MYBPC1: variants seen among roughly 807,000 people sequenced by gnomAD.
The protein encoded by MYBPC1 is myosin binding protein C1.
MYBPC1 carries 52 observed loss-of-function variants against 147.1 expected under a neutral mutation model. That is an observed-to-expected ratio of 0.35 (90% CI 0.28 to 0.45). The LOEUF (loss-of-function observed/expected upper bound fraction) is 0.45. MYBPC1 is among the 20% of genes least tolerant of loss of function. MYBPC1 has a pLI of 1.00. For synonymous variants in MYBPC1, 477 were observed against 475.9 expected (o/e 1.00, Z -0.03); for missense variants, 1,228 against 1,440.3 (o/e 0.85, Z 2.39).
intron 24 of MYBPC1, among the ~76,000 whole-genome samples, chr12:101,672,370 G>A (rs567370767): frequency 6.6e-6 from 1 of 152,250 alleles, no homozygotes; most frequent in Admixed American, 6.5e-5. Context: ...GGTACGCCTG[G>A]ATGCTTGGGG....
intron 24 of MYBPC1, among the ~76,000 whole-genome samples, chr12:101,671,310 T>TACACACACACAC (rs5800480): frequency 9.5e-6 from 1 of 105,330 alleles, no homozygotes; most frequent in African/African-American, 2.7e-5. Context: ...GACACTCATA[T>TACACACACACAC]ACACACACAC....
chr12:101,659,926 C>T, intron 19 of MYBPC1, 95 bp downstream of exon 19: 2 of 1,462,180 alleles, frequency 1.4e-6, no homozygotes, highest in Non-Finnish European at 1.9e-6. Flanking sequence ...CCATTTCCTT[C>T]CTTTGTCTTT....
Position 101,649,424 on chromosome 12 carries a change from A to G in MYBPC1, c.1361A>G (p.Asp454Gly). The G allele has an allele frequency of 1.2e-6, 2 of 1,613,808 alleles. No homozygotes were observed. The highest frequency in any genetic ancestry group is 1.7e-6 in the Non-Finnish European group (2 of 1,179,772). ...CAATCATCTGCTAAACTTAGTGTTGACTGTAAGTGAGACTTCTTTAGATGT... is the reference window on the plus strand; with the variant it reads ...CAATCATCTGCTAAACTTAGTGTTGGCTGTAAGTGAGACTTCTTTAGATGT... ...GGQSSAKLSVDLKPLKILTPL... is the reference protein window; with the variant it reads ...GGQSSAKLSVGLKPLKILTPL... The change falls in exon 15 of 32, where the codon GAC (aspartate) becomes GGC (glycine). Residue 454 changes from aspartate (D) to glycine (G), a missense_variant and splice_region_variant. By Grantham distance (94) the Asp-to-Gly change is moderately conservative (BLOSUM62 -1). Transcript: ENST00000361466.
At chr12:101,661,097 A>G in intron 19 of MYBPC1, 61 bp from the exon 20 acceptor site, 4 of 1,053,124 alleles carry the variant, frequency 3.8e-6, no homozygotes, top group Non-Finnish European at 5.8e-6. Flanking sequence ...TTTTCCTATT[A>G]ACTTTTTTTT....
intron 1 of MYBPC1, among the ~76,000 whole-genome samples, chr12:101,601,288 T>C (rs1188951670): frequency 6.6e-6 from 1 of 152,246 alleles, no homozygotes. Context: ...TCATACTGTC[T>C]TGTCGTAATT....
intron 22 of MYBPC1, chr12:101,664,654 C>G (rs1246676835): frequency 6.6e-6 from 1 of 152,054 alleles, no homozygotes; most frequent in Non-Finnish European, 1.5e-5. Flanking sequence ...TGGAAATGCT[C>G]ACCTCTGTTC....
chr12:101,624,458 C>A (rs1888094141), intron 3 of MYBPC1, among the ~76,000 whole-genome samples: 2 of 151,958 alleles, frequency 1.3e-5, no homozygotes, highest in South Asian at 4.1e-4. Flanking sequence ...TATACATTTA[C>A]ATTTTGAAAT....
At position 101,649,350 on chromosome 12, in the gene MYBPC1, A is replaced by G. The variant is rs768659618; in HGVS notation, c.1287A>G (p.Gly429=). The G allele has an allele frequency of 5.6e-6, 9 of 1,613,894 alleles. No individual in the cohort carries two copies. In the Admixed American group the frequency reaches 1.2e-4, roughly 21 times the overall value. ...AAAAACACATCTTGATCATAGAGGG[A>G]GCAACAAAGGCTGATGCTGCAGAAT... The part of the protein sequence containing the change: ...EGKKHILIIE[G]ATKADAAEYS... The change falls in exon 15 of 32, where the codon GGA becomes GGG. Residue 429 remains glycine, a synonymous_variant. Coordinates refer to ENST00000361466, the MANE Select transcript of MYBPC1 (RefSeq NM_002465.4).
intron 15 of MYBPC1, chr12:101,650,863 T>TAAA: frequency 6.0e-6 from 2 of 331,214 alleles, no homozygotes; most frequent in Admixed American, 4.2e-5. Context: ...TGTGAAGCAG[T>TAAA]AGAAAGAGGA....
intron 6 of MYBPC1, among the ~76,000 whole-genome samples, chr12:101,630,053 C>T (rs577555584): frequency 7.2e-4 from 110 of 152,220 alleles, no homozygotes; most frequent in African/African-American, 2.6e-3. Context: ...ACTCATTGAC[C>T]TCTCCTCCTA....
chr12:101,667,596 G>C, intron 22 of MYBPC1, 136 bp from the exon 23 acceptor site: 2 of 1,056,198 alleles, frequency 1.9e-6, no homozygotes, highest in Non-Finnish European at 2.8e-6. Flanking sequence ...TCGGAGTCCA[G>C]ACCAAAGTCA....
chr12:101,627,653 C>T (rs1259576473), intron 4 of MYBPC1, 116 bp from the exon 5 acceptor site: 3 of 1,164,900 alleles, frequency 2.6e-6, no homozygotes, highest in Non-Finnish European at 2.6e-6. Context: ...AGGGTTTTTT[C>T]CTTCCTATCA....
chr12:101,665,237 C>T (rs1429097923), intron 22 of MYBPC1, among the ~76,000 whole-genome samples: 3 of 152,224 alleles, frequency 2.0e-5, no homozygotes, highest in African/African-American at 7.2e-5. Flanking sequence ...ATATATTTTG[C>T]CGAGTAACGT....
intron 24 of MYBPC1, among the ~76,000 whole-genome samples, chr12:101,671,453 A>C (rs1898712584): frequency 1.3e-5 from 2 of 151,992 alleles, no homozygotes. Context: ...TCCTCATTGC[A>C]CTCCGGGTGC....
rs377408494 is a variant in MYBPC1, at chr12:101,670,376, T to C, written c.2580T>C (p.Val860=). The C allele has an allele frequency of 6.2e-7, 1 of 1,614,098 alleles. No homozygotes were observed. The highest frequency in any genetic ancestry group is 1.3e-5 in the African/African-American group (1 of 75,064). ...RHLKQTYIRR[V]GEAVNLVIPF... is the part of the protein sequence containing the mutation. ...TGAAGCAAACCTATATCCGCAGAGT[T>C]GGAGAAGCTGTCAATCTGGTTATAC... The change falls in exon 24 of 32, where the codon GTT becomes GTC. Residue 860 remains valine (V), a synonymous_variant. Transcript: ENST00000361466.
At chr12:101,657,548 A>C (rs1367777575) in intron 18 of MYBPC1, among the ~76,000 whole-genome samples, 1 of 152,220 alleles carries the variant, frequency 6.6e-6, no homozygotes. Context: ...AGGATAGTTA[A>C]GGAATATTAT....
intron 2 of MYBPC1, 82 bp downstream of exon 2, chr12:101,614,613 C>A: frequency 1.5e-6 from 2 of 1,377,956 alleles, no homozygotes; most frequent in Non-Finnish European, 2.0e-6. Context: ...TCCACGGGTG[C>A]TGTGAGCTGT....
intron 8 of MYBPC1, among the ~76,000 whole-genome samples, chr12:101,634,045 C>T (rs1027203124): frequency 1.3e-5 from 2 of 152,016 alleles, no homozygotes; most frequent in Non-Finnish European, 2.9e-5. Flanking sequence ...TACAGGCGCC[C>T]GCCACCACGG....
At chr12:101,661,920 G>GAAAGAAAGAAAAGA (rs1896649384) in intron 20 of MYBPC1, among the ~76,000 whole-genome samples, 1 of 128,508 alleles carries the variant, frequency 7.8e-6, no homozygotes, top group Non-Finnish European at 1.7e-5. Flanking sequence ...AAAAAAGAAA[G>GAAAGAAAGAAAAGA]AAAAAATATT....
Sources: gnomAD v4.1 joint callset for allele counts (sites outside exome capture counted in the v4.1 genomes callset) on GRCh38, gnomAD v4.1.1 for gene constraint, MANE v1.5 for transcripts, NCBI Gene and HGNC (gene_info 2026-07-23, HGNC 2026-07-21) for gene names.